TMEM117: variants seen among roughly 807,000 people sequenced by gnomAD.
The protein encoded by TMEM117 is transmembrane protein 117.
TMEM117 carries 27 observed loss-of-function variants against 52.4 expected under a neutral mutation model. The ratio of observed to expected loss-of-function variants is 0.51; its 90% CI spans 0.38 to 0.71. The LOEUF (loss-of-function observed/expected upper bound fraction) is 0.71. Ranked by LOEUF, TMEM117 falls within the 30% of genes least tolerant of loss-of-function variation. TMEM117 has a pLI of 0.00. For missense variants in TMEM117, 556 were observed against 630.5 expected (o/e 0.88, Z 1.26); for synonymous variants, 215 against 206.3 (o/e 1.04, Z -0.36).
upstream of TMEM117, among the ~76,000 whole-genome samples, chr12:43,833,388 C>G (rs373005608): frequency 6.6e-6 from 1 of 152,166 alleles, no homozygotes; most frequent in Admixed American, 6.5e-5. Context: ...ATCCCACTAT[C>G]CCCTGAAATA....
intron 5 of TMEM117, among the ~76,000 whole-genome samples, chr12:44,212,985 T>C (rs544474809): frequency 1.3e-5 from 2 of 152,316 alleles, no homozygotes; most frequent in Admixed American, 1.3e-4. Context: ...AAAATGAATA[T>C]GATTTTTTAG....
At chr12:44,135,293 A>G (rs1288561340) in intron 3 of TMEM117, among the ~76,000 whole-genome samples, 2 of 152,220 alleles carry the variant, frequency 1.3e-5, no homozygotes, top group Non-Finnish European at 2.9e-5. Context: ...TGATAATCCA[A>G]GATGGGACCA....
chr12:44,111,879 A>T, intron 3 of TMEM117, among the ~76,000 whole-genome samples: 1 of 99,230 alleles, frequency 1.0e-5, no homozygotes. Context: ...TGCTTTATGA[A>T]TCTGGGTGCT....
intron 6 of TMEM117, among the ~76,000 whole-genome samples, chr12:44,307,463 T>A (rs1477195876): frequency 6.6e-6 from 1 of 152,210 alleles, no homozygotes; most frequent in African/African-American, 2.4e-5. Context: ...AAAATACTAT[T>A]TGAAAACACA....
rs1007245492 is a variant in TMEM117 at position 43,840,739 on chromosome 12, C to T, written c.-28-3885C>T. Among the ~76,000 whole-genome samples, 18 of 152,168 alleles carry T rather than the reference C, an allele frequency of 1.2e-4. 1 individual carries two copies. Among genetic ancestry groups the T allele is most frequent in the Non-Finnish European group, 2.6e-4 (18 of 68,040 alleles). On this transcript the variant is annotated intron_variant, in intron 1 of 7. Transcript: ENST00000266534. ...ACAAACACATACATAGATAATTTCACTATAGTGAGCCAGGAGCTAAGATAA... is the reference window on the plus strand; with the variant it reads ...ACAAACACATACATAGATAATTTCATTATAGTGAGCCAGGAGCTAAGATAA...
At chr12:44,120,392 A>C (rs1352600686) in intron 3 of TMEM117, among the ~76,000 whole-genome samples, 3 of 152,138 alleles carry the variant, frequency 2.0e-5, no homozygotes, top group African/African-American at 7.2e-5. Flanking sequence ...GACTATAATA[A>C]TAGTATAAGG....
chr12:43,972,936 C>T (rs11182360), intron 3 of TMEM117, among the ~76,000 whole-genome samples: 1 of 152,136 alleles, frequency 6.6e-6, no homozygotes, highest in Non-Finnish European at 1.5e-5. Context: ...TTCTGTGATT[C>T]AAATGTACAA....
intron 6 of TMEM117, among the ~76,000 whole-genome samples, chr12:44,307,035 G>C (rs181815562): frequency 5.9e-5 from 9 of 152,268 alleles, no homozygotes. Context: ...AAGTGTGTTT[G>C]TATTCTGTTT....
chr12:44,150,802 T>C (rs1031764328), intron 4 of TMEM117, among the ~76,000 whole-genome samples: 11 of 152,190 alleles, frequency 7.2e-5, no homozygotes, highest in African/African-American at 2.6e-4. Context: ...CAAGAGTCTT[T>C]TAATTTTCAT....
the TMEM117 span, among the ~76,000 whole-genome samples, chr12:43,808,280 A>G: frequency 6.6e-6 from 1 of 152,180 alleles, no homozygotes; most frequent in African/African-American, 2.4e-5. Context: ...TACACTTTCC[A>G]AATTGACAGG....
intron 3 of TMEM117, among the ~76,000 whole-genome samples, chr12:44,086,265 G>A (rs1253982493): frequency 6.8e-6 from 1 of 147,770 alleles, no homozygotes; most frequent in Non-Finnish European, 1.5e-5. Flanking sequence ...CCAGGCTGGA[G>A]TGTAGTGGCA....
intron 2 of TMEM117, among the ~76,000 whole-genome samples, chr12:43,847,321 T>A (rs1943226968): frequency 6.6e-6 from 1 of 152,176 alleles, no homozygotes; most frequent in Admixed American, 6.5e-5. Flanking sequence ...TAAAGATTGG[T>A]ACTATATTAG....
At chr12:44,395,824 T>C in the TMEM117 span, among the ~76,000 whole-genome samples, 15 of 152,178 alleles carry the variant, frequency 9.9e-5, no homozygotes, top group Non-Finnish European at 2.1e-4. Flanking sequence ...TTGCATTCCA[T>C]TGGCCAGAAC....
intron 3 of TMEM117, among the ~76,000 whole-genome samples, chr12:43,955,987 G>A (rs115692896): frequency 2.0e-4 from 31 of 151,966 alleles, no homozygotes; most frequent in Admixed American, 9.2e-4. Context: ...AAATAAACTC[G>A]CACATCTACA....
At chr12:44,210,085 G>A (rs760735049) in intron 4 of TMEM117, among the ~76,000 whole-genome samples, 4 of 152,052 alleles carry the variant, frequency 2.6e-5, no homozygotes, top group Non-Finnish European at 2.9e-5. Context: ...TTATTTTAGT[G>A]GATGACGAAA....
chr12:44,154,053 AC>A (rs1948791876), intron 4 of TMEM117, among the ~76,000 whole-genome samples: 1 of 152,024 alleles, frequency 6.6e-6, no homozygotes. Flanking sequence ...TCCTTGGCTG[AC>A]AAAATATGTT....
chr12:43,937,065 A>C (rs1944963635), intron 2 of TMEM117, among the ~76,000 whole-genome samples: 1 of 152,164 alleles, frequency 6.6e-6, no homozygotes, highest in African/African-American at 2.4e-5. Flanking sequence ...AAAAAGGCAC[A>C]GGTAGGGTCT....
intron 3 of TMEM117, among the ~76,000 whole-genome samples, chr12:44,072,155 A>C (rs1947311566): frequency 2.0e-5 from 3 of 152,126 alleles, no homozygotes. Flanking sequence ...GGCATTGAGA[A>C]CTTTGAGGAG....
intron 2 of TMEM117, among the ~76,000 whole-genome samples, chr12:43,890,309 C>T (rs528053153): frequency 1.7e-4 from 26 of 152,188 alleles, no homozygotes; most frequent in African/African-American, 5.1e-4. Context: ...AGGTTGACAT[C>T]GTACTTTGGT....
Sources: gnomAD v4.1 joint callset for allele counts (sites outside exome capture counted in the v4.1 genomes callset) on GRCh38, gnomAD v4.1.1 for gene constraint, MANE v1.5 for transcripts, NCBI Gene and HGNC (gene_info 2026-07-23, HGNC 2026-07-21) for gene names.